The following TRPA1 variants were observed in gnomAD, a reference collection of about 807,000 sequenced individuals.
TRPA1 encodes transient receptor potential cation channel subfamily A member 1, also known as ankyrin-like with transmembrane domains 1.
A neutral mutation model predicts 131.3 loss-of-function variants in TRPA1; 129 were observed. The ratio of observed to expected loss-of-function variants is 0.98; its 90% CI spans 0.85 to 1.14. The LOEUF is 1.14. TRPA1 is among the 50% of genes most tolerant of loss of function. The pLI is 0.00. For missense variants in TRPA1, 1,304 were observed against 1,354.2 expected (o/e 0.96, Z 0.58); for synonymous variants, 441 against 451.7 (o/e 0.98, Z 0.30).
At chr8:72,053,911 T>C (rs1261808942) in intron 12 of TRPA1, 44 bp from the exon 13 acceptor site, 3 of 1,451,408 alleles carry the variant, frequency 2.1e-6, no homozygotes, top group Non-Finnish European at 2.9e-6. Flanking sequence ...ACTTAACAGA[T>C]GAAATGCGGG....
intron 5 of TRPA1, 62 bp from the exon 6 acceptor site, chr8:72,063,006 TG>T: frequency 6.8e-7 from 1 of 1,480,982 alleles, no homozygotes; most frequent in Non-Finnish European, 9.2e-7. Flanking sequence ...GGAGGTTTTT[TG>T]TTAAAAAATA....
At chr8:72,079,612 T>A (rs1806252214), upstream of TRPA1, among the ~76,000 whole-genome samples, 2 of 152,016 alleles carry the variant, frequency 1.3e-5, no homozygotes, top group Admixed American at 1.3e-4. Flanking sequence ...TATATTCAGG[T>A]TATTAATCTC....
chr8:72,023,552 G>A (rs1360051697), intron 26 of TRPA1: 1 of 440,322 alleles, frequency 2.3e-6, no homozygotes, highest in Non-Finnish European at 4.1e-6. Context: ...TACAGTTTAT[G>A]ATACTACCTC....
intron 13 of TRPA1, chr8:72,052,997 G>A (rs60855357): frequency 3.0e-6 from 1 of 329,548 alleles, no homozygotes; most frequent in Non-Finnish European, 5.7e-6. Flanking sequence ...GTGTGTGTGA[G>A]AGATAGAGAA....
At chr8:72,054,001 T>C (rs1805596590) in intron 12 of TRPA1, 134 bp from the exon 13 acceptor site, 5 of 677,994 alleles carry the variant, frequency 7.4e-6, no homozygotes, top group Non-Finnish European at 1.1e-5. Flanking sequence ...TAAATATTTA[T>C]AAAACATTTA....
the TRPA1 span, among the ~76,000 whole-genome samples, chr8:72,089,376 C>T: frequency 2.0e-5 from 3 of 152,142 alleles, no homozygotes; most frequent in South Asian, 6.2e-4. Context: ...TCATTTCACA[C>T]CACAACCCAC....
At position 72,055,731 on chromosome 8, in the gene TRPA1, T is replaced by C. The variant is rs1330781137; in HGVS notation, c.1319A>G (p.His440Arg). Reference protein sequence around the residue: ...NNLLGFNVSIHSKSKDKKSPL... With the variant: ...NNLLGFNVSIRSKSKDKKSPL... Reference sequence around the variant, plus strand: ...TGATTTCTTATCTTTGCTTTTGGAATGAATGGACACATTAAAGCCAAGTAG... The same window carrying C: ...TGATTTCTTATCTTTGCTTTTGGAACGAATGGACACATTAAAGCCAAGTAG... The change falls in exon 11 of 27, where the codon CAT becomes CGT. Residue 440 changes from histidine (H) to arginine (R), a missense_variant. Coordinates refer to ENST00000262209, the MANE Select transcript of TRPA1 (RefSeq NM_007332.3). 1.9e-6 allele frequency: 3 copies of C among 1,613,458 alleles called. No individual in the cohort carries two copies. Among genetic ancestry groups the C allele is most frequent in the Non-Finnish European group, 2.5e-6 (3 of 1,179,624 alleles).
chr8:72,071,196 T>C (rs1367713327), intron 2 of TRPA1, among the ~76,000 whole-genome samples: 2 of 152,164 alleles, frequency 1.3e-5, no homozygotes, highest in African/African-American at 2.4e-5. Context: ...TTCCACAATA[T>C]TGACAGAATT....
chr8:72,038,067 T>C lies in TRPA1; in HGVS notation c.2301A>G (p.Ser767=), dbSNP rs200799664. ...AAATCATACAAGTTTTTATTAGATA[T>C]GAATTCTAAAACAAAAAAGGATAAG... ...DHSEILDTTN[S]YLIKTCMILV... The change falls in exon 20 of 27, where the codon TCA becomes TCG. Residue 767 remains serine, a synonymous_variant. Coordinates refer to ENST00000262209, the MANE Select transcript of TRPA1 (RefSeq NM_007332.3). The C allele has an allele frequency of 1.3e-5, 19 of 1,500,706 alleles. No individual in the cohort carries two copies. In the East Asian group the frequency reaches 1.6e-4, roughly 13 times the overall value. 93.0% of individuals were successfully genotyped at this position (1,500,706 alleles called of 1,614,324 possible).
At chr8:72,049,688 A>T (rs1340612524) in intron 15 of TRPA1, among the ~76,000 whole-genome samples, 2 of 152,196 alleles carry the variant, frequency 1.3e-5, no homozygotes, top group African/African-American at 4.8e-5. Context: ...AAGGGGTCAC[A>T]TGTTTAAGAA....
chr8:72,023,280 T>C (rs2129432278), intron 26 of TRPA1, 164 bp from the exon 27 acceptor site: 2 of 767,798 alleles, frequency 2.6e-6, no homozygotes, highest in South Asian at 3.3e-5. Flanking sequence ...ATTTTTGAAG[T>C]TTAAATGATT....
intron 4 of TRPA1, among the ~76,000 whole-genome samples, chr8:72,064,239 A>G (rs1266889113): frequency 7.2e-6 from 1 of 139,258 alleles, no homozygotes; most frequent in Non-Finnish European, 1.5e-5. Context: ...CTCTATACAT[A>G]ATAGTCCAGA....
rs1320195489 is a variant in TRPA1 at position 72,053,460 on chromosome 8, T to C, written c.1644+293A>G. On this transcript the variant is annotated intron_variant, in intron 13 of 26. Coordinates refer to ENST00000262209, the MANE Select transcript of TRPA1 (RefSeq NM_007332.3). ...TAATGAAAACTCACCCCTGCCTTCA[T>C]TTCTCTGGACCTACCAGGGAGTAAA... 4 of 432,524 alleles carry C rather than the reference T, an allele frequency of 9.2e-6. No individual in the cohort carries two copies. The Admixed American group carries it at 1.4e-4, about 15-fold the overall frequency. 26.8% of individuals were successfully genotyped at this position (432,524 alleles called of 1,614,324 possible). A position where few individuals can be genotyped will look rare whatever the true frequency, so the allele number is the denominator to read the frequency against.
At position 72,046,582 on chromosome 8, in the gene TRPA1, T is replaced by G. The variant is rs1432175969; in HGVS notation, c.1992A>C (p.Gln664His). The G allele has an allele frequency of 6.3e-7, 1 of 1,591,746 alleles. No individual in the cohort carries two copies. Among genetic ancestry groups the G allele is most frequent in the Non-Finnish European group, 8.6e-7 (1 of 1,163,002 alleles). ...YYIEYNFKYL[Q>H]CPLEFTKKTP... Reference sequence around the variant, plus strand: ...TTTTTTTGGTGAATTCTAATGGACATTGAAGATATTTGAAATTATACTCGA... The same window carrying G: ...TTTTTTTGGTGAATTCTAATGGACAGTGAAGATATTTGAAATTATACTCGA... The change falls in exon 17 of 27, where the codon CAA (glutamine) becomes CAC (histidine). Residue 664 changes from glutamine to histidine, a missense_variant. Physicochemically the swap from Gln to His is conservative, Grantham distance 24 (BLOSUM62 0). Transcript: ENST00000262209.
chr8:72,023,961 T>C, intron 25 of TRPA1, 50 bp from the exon 26 acceptor site: 2 of 1,303,866 alleles, frequency 1.5e-6, no homozygotes, highest in African/African-American at 1.4e-5. Context: ...ATTCAGGAAC[T>C]TTTTCTTAAG....
At chr8:72,049,675 C>T (rs948445091) in intron 15 of TRPA1, among the ~76,000 whole-genome samples, 1 of 152,092 alleles carries the variant, frequency 6.6e-6, no homozygotes, top group Admixed American at 6.6e-5. Flanking sequence ...TTTAACGTAG[C>T]AAAAGGGGTC....
intron 17 of TRPA1, among the ~76,000 whole-genome samples, chr8:72,040,852 C>G (rs1812228705): frequency 6.6e-6 from 1 of 151,972 alleles, no homozygotes; most frequent in Non-Finnish European, 1.5e-5. Flanking sequence ...AACAAAATGG[C>G]AATAGTAAGT....
chr8:72,054,029 C>T, intron 12 of TRPA1, 162 bp from the exon 13 acceptor site: 7 of 635,230 alleles, frequency 1.1e-5, no homozygotes, highest in Non-Finnish European at 1.1e-5. Flanking sequence ...TGAGCTAATT[C>T]CAAGCTCAAT....
intron 21 of TRPA1, among the ~76,000 whole-genome samples, chr8:72,034,591 T>G (rs1009371487): frequency 2.6e-5 from 4 of 152,204 alleles, no homozygotes; most frequent in African/African-American, 9.7e-5. Context: ...TTATTCTCAT[T>G]ATTAATGTTA....
Sources: gnomAD v4.1 joint callset for allele counts (sites outside exome capture counted in the v4.1 genomes callset) on GRCh38, gnomAD v4.1.1 for gene constraint, MANE v1.5 for transcripts, NCBI Gene and HGNC (gene_info 2026-07-23, HGNC 2026-07-21) for gene names.